Variants in SV2C observed in about 807,000 individuals in gnomAD.
The protein encoded by SV2C is synaptic vesicle glycoprotein 2C.
In SV2C, 49 loss-of-function variants were observed where a neutral mutation model predicts 79.7. The observed-to-expected ratio is 0.61, with a 90% confidence interval of 0.49 to 0.78. The LOEUF (loss-of-function observed/expected upper bound fraction) is 0.78. SV2C is among the 30% of genes least tolerant of loss of function. The pLI is 0.00. For missense variants in SV2C, 833 were observed against 912.9 expected (o/e 0.91, Z 1.13); for synonymous variants, 334 against 333.2 (o/e 1.00, Z -0.03).
downstream of SV2C, among the ~76,000 whole-genome samples, chr5:76,335,836 T>C (rs545732648): frequency 2.3e-3 from 357 of 152,338 alleles, 1 homozygote; most frequent in African/African-American, 8.2e-3. Context: ...TACACAGACA[T>C]GGCAACCATC....
chr5:75,905,217 A>C, the SV2C span, among the ~76,000 whole-genome samples: 1 of 152,168 alleles, frequency 6.6e-6, no homozygotes, highest in African/African-American at 2.4e-5. Context: ...AGCAAGGCAA[A>C]GTTACCTCTA....
At chr5:76,092,614 C>T (rs1747415514) in intron 1 of SV2C, among the ~76,000 whole-genome samples, 1 of 152,140 alleles carries the variant, frequency 6.6e-6, no homozygotes, top group East Asian at 1.9e-4. Flanking sequence ...TGTCCAATAG[C>T]TGTCAAAAGC....
chr5:76,064,998 T>C, the SV2C span, among the ~76,000 whole-genome samples: 5,549 of 152,288 alleles, frequency 0.036, 352 homozygotes, highest in African/African-American at 0.13. Flanking sequence ...AATTTATTAC[T>C]GCCTTTGTTA....
At chr5:75,963,945 C>A in the SV2C span, among the ~76,000 whole-genome samples, 1 of 152,040 alleles carries the variant, frequency 6.6e-6, no homozygotes, top group South Asian at 2.1e-4. Context: ...TTCTGGCCAA[C>A]ATATTTTTAG....
chr5:76,019,961 T>G, the SV2C span, among the ~76,000 whole-genome samples: 2 of 152,180 alleles, frequency 1.3e-5, no homozygotes, highest in Non-Finnish European at 2.9e-5. Context: ...AGATTAAGTC[T>G]CTGGTAGTTG....
intron 4 of SV2C, among the ~76,000 whole-genome samples, chr5:76,215,889 G>T (rs1053133305): frequency 6.6e-6 from 1 of 152,050 alleles, no homozygotes; most frequent in Non-Finnish European, 1.5e-5. Context: ...GCTGTTTCTG[G>T]GTGTCGCCGT....
the SV2C span, among the ~76,000 whole-genome samples, chr5:75,963,605 G>A: frequency 6.6e-6 from 1 of 151,574 alleles, no homozygotes; most frequent in African/African-American, 2.4e-5. Context: ...TATACTTTAG[G>A]TTCCAACATT....
chr5:75,893,057 C>T, the SV2C span, among the ~76,000 whole-genome samples: 9 of 152,186 alleles, frequency 5.9e-5, no homozygotes, highest in South Asian at 4.2e-4. Context: ...TATAAGCATC[C>T]GCTTTCCTCT....
At chr5:76,159,993 ATACT>A (rs975236926) in intron 2 of SV2C, among the ~76,000 whole-genome samples, 3 of 152,048 alleles carry the variant, frequency 2.0e-5, no homozygotes, top group Non-Finnish European at 2.9e-5. Flanking sequence ...AAAAAATAAA[ATACT>A]TAGGAATAAT....
At chr5:76,035,764 G>T in the SV2C span, among the ~76,000 whole-genome samples, 18 of 152,098 alleles carry the variant, frequency 1.2e-4, no homozygotes, top group Admixed American at 1.2e-3. Context: ...TATTAGGTCT[G>T]CTTGGTGCAG....
chr5:75,896,146 C>G, the SV2C span, among the ~76,000 whole-genome samples: 6 of 151,822 alleles, frequency 4.0e-5, no homozygotes, highest in South Asian at 1.3e-3. Context: ...ATGTGCCATG[C>G]TGGTGTGCTG....
chr5:76,247,432 C>G (rs1745977946), intron 4 of SV2C, among the ~76,000 whole-genome samples: 1 of 152,190 alleles, frequency 6.6e-6, no homozygotes, highest in South Asian at 2.1e-4. Flanking sequence ...CTTTCCATAT[C>G]TAGGGATTGA....
At chr5:76,022,006 T>C in the SV2C span, among the ~76,000 whole-genome samples, 1 of 152,144 alleles carries the variant, frequency 6.6e-6, no homozygotes, top group African/African-American at 2.4e-5. Flanking sequence ...GCATTAATAA[T>C]CCTATAATTA....
the SV2C span, among the ~76,000 whole-genome samples, chr5:75,885,933 C>G: frequency 6.6e-6 from 1 of 152,270 alleles, no homozygotes; most frequent in East Asian, 1.9e-4. Flanking sequence ...AGACAAGAAG[C>G]TATTGGATTT....
the SV2C span, among the ~76,000 whole-genome samples, chr5:76,053,856 C>T: frequency 6.6e-6 from 1 of 151,900 alleles, no homozygotes; most frequent in African/African-American, 2.4e-5. Flanking sequence ...ATGTATCTGC[C>T]CTACAAATCT....
At chr5:76,286,803 G>A (rs559187750) in intron 6 of SV2C, 1 of 152,344 alleles carries the variant, frequency 6.6e-6, no homozygotes, top group African/African-American at 2.4e-5. Context: ...AAGGAGAAAT[G>A]CTGAGCAAAA....
chr5:75,855,618 A>T, the SV2C span, among the ~76,000 whole-genome samples: 4 of 152,012 alleles, frequency 2.6e-5, no homozygotes, highest in Non-Finnish European at 4.4e-5. Context: ...ATTATATCTG[A>T]TATGATGATC....
intron 12 of SV2C, among the ~76,000 whole-genome samples, chr5:76,339,453 G>A (rs1258846641): frequency 6.6e-6 from 1 of 152,146 alleles, no homozygotes; most frequent in Non-Finnish European, 1.5e-5. Context: ...GGTGGCTCAC[G>A]CCTATAATCC....
chr5:76,132,004 A>G lies in SV2C; in HGVS notation c.254A>G (p.Asp85Gly), dbSNP rs1321016022. 1.2e-6 allele frequency: 2 copies of G among 1,613,748 alleles called. No homozygotes were observed. Among genetic ancestry groups the G allele is most frequent in the South Asian group, 1.1e-5 (1 of 91,008 alleles). Residue 85 changes from aspartate to glycine, a missense_variant, in exon 2 of 13, where the codon GAT (aspartate) becomes GGT (glycine). Coordinates refer to ENST00000502798, the MANE Select transcript of SV2C (RefSeq NM_014979.4). Reference protein sequence around the residue: ...SSEATEGHDEDDEIYEGEYQG... With the variant: ...SSEATEGHDEGDEIYEGEYQG... ...GAAGCCACTGAGGGGCATGATGAAG[A>G]TGATGAGATCTATGAGGGGGAGTAT...
Sources: gnomAD v4.1 joint callset for allele counts (sites outside exome capture counted in the v4.1 genomes callset) on GRCh38, gnomAD v4.1.1 for gene constraint, MANE v1.5 for transcripts, NCBI Gene and HGNC (gene_info 2026-07-23, HGNC 2026-07-21) for gene names.